Variants in ATP8B2 observed in about 807,000 individuals in gnomAD.
ATP8B2 encodes the protein ATPase phospholipid transporting 8B2, also known as phospholipid-transporting ATPase ID.
A neutral mutation model predicts 133.4 loss-of-function variants in ATP8B2; 70 were observed. The observed-to-expected ratio is 0.52, with a 90% CI of 0.43 to 0.64. ATP8B2 has a LOEUF of 0.64. Among genes scored for constraint, ATP8B2 ranks in the 30% least tolerant of loss-of-function variants. ATP8B2 has a pLI of 0.00. For synonymous variants in ATP8B2, 517 were observed against 589.5 expected (o/e 0.88, Z 1.78); for missense variants, 1,101 against 1,535.7 (o/e 0.72, Z 4.73).
rs1162391506 is a variant in ATP8B2 at position 154,331,169 on chromosome 1, T to C, written c.303+23T>C. 2 of 1,604,082 alleles carry C rather than the reference T, an allele frequency of 1.2e-6. No homozygotes were observed. Among genetic ancestry groups the C allele is most frequent in the African/African-American group, 2.7e-5 (2 of 74,650 alleles). On this transcript the variant is annotated intron_variant, in intron 5 of 27. Transcript: ENST00000368489. The surrounding 1 kb of genome is among the most constrained non-coding windows in gnomAD (Gnocchi z 4.8). ...TATGTGAGTGGTTTTCATTCTTCTA[T>C]TTTGTCCCAGTCACCCACCCCTACT...
chr1:154,345,089 A>G lies in ATP8B2; in HGVS notation c.2405A>G (p.Lys802Arg). 2 of 1,614,236 alleles carry G rather than the reference A, an allele frequency of 1.2e-6. No homozygotes were observed. Among genetic ancestry groups the G allele is most frequent in the Non-Finnish European group, 1.7e-6 (2 of 1,180,038 alleles). The change falls in exon 22 of 28, where the codon AAG becomes AGG. Residue 802 changes from lysine (K) to arginine (R), a missense_variant. By Grantham distance (26) the Lys-to-Arg change is conservative. Transcript: ENST00000368489. The surrounding 1 kb of genome is among the most constrained non-coding windows in gnomAD (Gnocchi z 5.6). ...AAGGCACAGGTGGTAGAACTGGTCA[A>G]GAAGTACAAGAAGGCTGTGACGCTT... The part of the protein sequence containing the change: ...LQKAQVVELV[K>R]KYKKAVTLAI...
In ATP8B2 at chr1:154,328,001, G is replaced by A; in HGVS notation, c.-37-104G>A. The A allele has an allele frequency of 1.3e-6, 2 of 1,507,000 alleles. No homozygotes were observed. Among genetic ancestry groups the A allele is most frequent in the Non-Finnish European group, 1.8e-6 (2 of 1,082,944 alleles). 93.4% of individuals were successfully genotyped at this position (1,507,000 alleles called of 1,614,324 possible). ...ACTGGGAGAAGGAGGCTGGGGGAGG[G>A]GCAGGGTCAGAGCTGGAGAAGAGGG... On this transcript the variant is annotated intron_variant, in intron 1 of 27. Coordinates refer to ENST00000368489, the MANE Select transcript of ATP8B2 (RefSeq NM_001370597.1). The surrounding 1 kb of genome is among the most constrained non-coding windows in gnomAD (Gnocchi z 4.6).
In ATP8B2 at chr1:154,332,618, C is replaced by T. The variant is rs1045687634; in HGVS notation, c.510C>T (p.Gly170=). ...LCYIETAELD[G]ETNMKVRQAI... ...GGACTCAGAGATACTGTCCTTCCAG[C>T]GAGACCAACATGAAAGTACGTCAGG... is the stretch of plus-strand genomic sequence containing the variant. The change falls in exon 9 of 28, where the codon GGC becomes GGT. Residue 170 remains glycine, a splice_region_variant and synonymous_variant. Coordinates refer to ENST00000368489, the MANE Select transcript of ATP8B2 (RefSeq NM_001370597.1). 16 of 1,584,336 alleles carry T rather than the reference C, an allele frequency of 1.0e-5. No homozygotes were observed. Among genetic ancestry groups the T allele is most frequent in the African/African-American group, 5.4e-5 (4 of 74,258 alleles).
At chr1:154,342,435 C>T (rs1488419514) in intron 13 of ATP8B2, 45 bp from the exon 14 acceptor site, 1 of 1,598,594 alleles carries the variant, frequency 6.3e-7, no homozygotes, top group Non-Finnish European at 8.6e-7. Flanking sequence ...CTCTGGAGCT[C>T]TCTGGCTCTG....
chr1:154,327,770 G>T, intron 1 of ATP8B2: 1 of 1,605,426 alleles, frequency 6.2e-7, no homozygotes, highest in South Asian at 1.1e-5. Flanking sequence ...ATTGCCGCCA[G>T]AACACATGAG....
At chr1:154,332,993 C>T (rs1202339956) in intron 9 of ATP8B2, among the ~76,000 whole-genome samples, 2 of 152,092 alleles carry the variant, frequency 1.3e-5, no homozygotes, top group Non-Finnish European at 2.9e-5. Context: ...CCTTATAAGA[C>T]AAACCATACA....
chr1:154,328,887 A>C lies in ATP8B2; in HGVS notation c.31+715A>C. The C allele has an allele frequency of 1.6e-6, 2 of 1,261,348 alleles. No individual in the cohort carries two copies. Among genetic ancestry groups the C allele is most frequent in the Non-Finnish European group, 2.1e-6 (2 of 970,766 alleles). The allele number at this position is 1,261,348 out of a possible 1,614,324, so 78.1% of individuals were successfully genotyped here. A position where few individuals can be genotyped will look rare whatever the true frequency, so the allele number is the denominator to read the frequency against. ...GCCCGACGGCTGGGGCTCCCCTCTG[A>C]GCGGCTGCGGCTCCTGCACCTCCCC... On this transcript the variant is annotated intron_variant, in intron 2 of 27. Transcript: ENST00000368489. This position sits in a 1 kb window ranked among gnomAD's most constrained non-coding sequence, Gnocchi z 4.6.
intron 1 of ATP8B2, among the ~76,000 whole-genome samples, chr1:154,327,226 C>T (rs1332743471): frequency 1.3e-5 from 2 of 152,146 alleles, no homozygotes; most frequent in African/African-American, 2.4e-5. Flanking sequence ...AGGCCTTCCA[C>T]CCAGACAAGG....
rs1045744655 is a variant in ATP8B2, at chr1:154,331,817, G to T, written c.439-137G>T. 3.1e-6 allele frequency: 4 copies of T among 1,296,600 alleles called. No homozygotes were observed. Among genetic ancestry groups the T allele is most frequent in the Non-Finnish European group, 4.5e-6 (4 of 898,130 alleles). 80.3% of individuals were successfully genotyped at this position (1,296,600 alleles called of 1,614,324 possible). On this transcript the variant is annotated intron_variant, in intron 7 of 27. Coordinates refer to ENST00000368489, the MANE Select transcript of ATP8B2 (RefSeq NM_001370597.1). The surrounding 1 kb of genome is among the most constrained non-coding windows in gnomAD (Gnocchi z 4.8). ...CTCACACCAGGGGCTTCTGTGTCAT[G>T]CTGATATGCCTGGAACTAGCCATTT...
At chr1:154,338,189 A>G (rs1189484681) in intron 12 of ATP8B2, among the ~76,000 whole-genome samples, 2 of 152,134 alleles carry the variant, frequency 1.3e-5, no homozygotes, top group African/African-American at 2.4e-5. Context: ...TGGAGCCACA[A>G]TGGAGAGGAG....
In ATP8B2 at chr1:154,344,782, C is replaced by T. The variant is rs746629996; in HGVS notation, c.2283C>T (p.Ser761=). The T allele has an allele frequency of 2.1e-5, 33 of 1,596,086 alleles. No individual in the cohort carries two copies. The highest frequency in any genetic ancestry group is 2.8e-5 in the Non-Finnish European group (33 of 1,166,020). The change falls in exon 21 of 28, where the codon AGC becomes AGT. Residue 761 remains serine, a synonymous_variant. Transcript: ENST00000368489. The surrounding 1 kb of genome is among the most constrained non-coding windows in gnomAD (Gnocchi z 4.1). ...ACGCCCTGGTCATAAATGGTCACAG[C>T]CTGGTAGGCATCGCTATCCTTAGCT... ...GEYALVINGH[S]LAHALEADME... is the part of the protein sequence containing the mutation.
Position 154,334,004 on chromosome 1 carries a change from C to A in ATP8B2, c.590-103C>A. ...CCAGCAGCATATGGATGGGCCCTTG[C>A]CCTTGCATCCTCTTCGCTCAGCTCA... On this transcript the variant is annotated intron_variant, in intron 9 of 27. Coordinates refer to ENST00000368489, the MANE Select transcript of ATP8B2 (RefSeq NM_001370597.1). This position sits in a 1 kb window ranked among gnomAD's most constrained non-coding sequence, Gnocchi z 4.6. 1.4e-6 allele frequency: 2 copies of A among 1,397,266 alleles called. No individual in the cohort carries two copies. The highest frequency in any genetic ancestry group is 2.0e-6 in the Non-Finnish European group (2 of 1,007,576). The allele number at this position is 1,397,266 out of a possible 1,614,324, so 86.6% of individuals were successfully genotyped here.
chr1:154,333,982 G>A, intron 9 of ATP8B2, 125 bp from the exon 10 acceptor site: 2 of 1,175,174 alleles, frequency 1.7e-6, no homozygotes, highest in Non-Finnish European at 1.2e-6. Context: ...ACTCCTCCCA[G>A]CAGCATATGG....
At position 154,349,378 on chromosome 1, in the gene ATP8B2, C is replaced by T. The variant is rs1686711400; in HGVS notation, c.*260C>T. ...CGGGGAGCCAGCCCCACTCGGGGAC[C>T]AGAAGTGGAACCAAAAACAAGAAAA... On this transcript the variant is annotated 3_prime_UTR_variant, in exon 28 of 28. Transcript: ENST00000368489. The T allele has an allele frequency of 3.8e-6, 2 of 520,314 alleles. No individual in the cohort carries two copies. Among genetic ancestry groups the T allele is most frequent in the Admixed American group, 3.3e-5 (1 of 30,708 alleles). The allele number at this position is 520,314 out of a possible 1,614,324, so 32.2% of individuals were successfully genotyped here.
intron 1 of ATP8B2, among the ~76,000 whole-genome samples, chr1:154,327,376 T>A (rs1185997364): frequency 7.9e-6 from 1 of 126,560 alleles, no homozygotes; most frequent in Admixed American, 9.5e-5. Flanking sequence ...CTTGTCTCAC[T>A]GGTGCTCCCT....
At chr1:154,348,617 G>C in intron 27 of ATP8B2, 79 bp downstream of exon 27, 1 of 1,554,756 alleles carries the variant, frequency 6.4e-7, no homozygotes, top group Non-Finnish European at 8.7e-7. Context: ...GGGGGGCTCT[G>C]TGGGGCCATG....
chr1:154,327,745 G>C, intron 1 of ATP8B2: 1 of 1,550,680 alleles, frequency 6.4e-7, no homozygotes, highest in Non-Finnish European at 8.9e-7. Context: ...TTTCTAGTAA[G>C]CACAAGCACT....
chr1:154,328,051 G>A lies in ATP8B2; in HGVS notation c.-37-54G>A. ...GTCTTCAAAAGAGGTCTCATGAGGGGAGGGAAGGGTTATCCTCAGCTTCCT... is the reference window on the plus strand; with the variant it reads ...GTCTTCAAAAGAGGTCTCATGAGGGAAGGGAAGGGTTATCCTCAGCTTCCT... On this transcript the variant is annotated intron_variant, in intron 1 of 27. Transcript: ENST00000368489. The surrounding 1 kb of genome is among the most constrained non-coding windows in gnomAD (Gnocchi z 4.6). 3 of 1,577,580 alleles carry A rather than the reference G, an allele frequency of 1.9e-6. No homozygotes were observed. The highest frequency in any genetic ancestry group is 4.5e-5 in the East Asian group (2 of 44,682).
chr1:154,337,800 C>T, intron 12 of ATP8B2: 2 of 1,368,258 alleles, frequency 1.5e-6, no homozygotes, highest in South Asian at 3.2e-5. Flanking sequence ...CTACTGTGTA[C>T]AAAGAAGTGT....
Sources: gnomAD v4.1 joint callset for allele counts (sites outside exome capture counted in the v4.1 genomes callset) on GRCh38, gnomAD v4.1.1 for gene constraint, Gnocchi (gnomAD v3.1) non-coding constraint, MANE v1.5 for transcripts, NCBI Gene and HGNC (gene_info 2026-07-23, HGNC 2026-07-21) for gene names.